Variants in NAA11 observed in about 807,000 individuals in gnomAD.
NAA11 encodes N-alpha-acetyltransferase 11, NatA catalytic subunit, also known as N-alpha-acetyltransferase 11.
NAA11 carries 15 observed loss-of-function variants against 16.1 expected under a neutral mutation model. The ratio of observed to expected loss-of-function variants is 0.93; its 90% confidence interval spans 0.62 to 1.44. NAA11 has a LOEUF of 1.44. NAA11 is among the 40% of genes most tolerant of loss of function. The probability of loss-of-function intolerance (pLI) is 0.00; values close to 1 mark genes in which losing one functional copy is unlikely to be tolerated. For synonymous variants in NAA11, 122 were observed against 112.4 expected, an observed-to-expected ratio of 1.09 and a Z score of -0.54; for missense variants, 298 against 291.3, an observed-to-expected ratio of 1.02 and a Z score of -0.17.
At chr4:79,233,854 A>G (rs1578153779) in intron 2 of NAA11, among the ~76,000 whole-genome samples, 1 of 152,170 alleles carries the variant, frequency 6.6e-6, no homozygotes, top group African/African-American at 2.4e-5. Context: ...AACTTTTGCT[A>G]TTATGGTTAA....
At chr4:79,296,453 A>G (rs995739900) in intron 1 of NAA11, among the ~76,000 whole-genome samples, 3 of 152,212 alleles carry the variant, frequency 2.0e-5, no homozygotes, top group African/African-American at 7.2e-5. Context: ...TAGAACATTT[A>G]TAAAACAGAG....
chr4:79,287,639 G>A (rs1722972169), intron 2 of NAA11, among the ~76,000 whole-genome samples: 1 of 151,772 alleles, frequency 6.6e-6, no homozygotes, highest in African/African-American at 2.4e-5. Flanking sequence ...GAATTTTTCT[G>A]TTCAGGCTGA....
Position 79,257,673 on chromosome 4 carries a change from A to C in NAA11, c.*123-31403T>G, listed in dbSNP as rs891768585. Among the ~76,000 whole-genome samples the C allele has an allele frequency of 2.0e-5, 3 of 152,124 alleles. No homozygotes were observed. In the East Asian group the frequency reaches 5.8e-4, roughly 29 times the overall value. On this transcript the variant is annotated intron_variant and NMD_transcript_variant, in intron 2 of 2. Coordinates refer to the NAA11 transcript ENST00000511542. ...GATCTTTATTTCAAAAGCTTTTTAA[A>C]ATTTCTAATTTCTTCTTGAGTTCTG...
intron 1 of NAA11, among the ~76,000 whole-genome samples, chr4:79,305,643 A>G (rs1723555843): frequency 6.6e-6 from 1 of 152,170 alleles, no homozygotes; most frequent in South Asian, 2.1e-4. Context: ...AGCTTTTCAT[A>G]TGAACATAGA....
chr4:79,204,880 A>G, the NAA11 span, among the ~76,000 whole-genome samples: 11 of 151,000 alleles, frequency 7.3e-5, no homozygotes, highest in South Asian at 2.3e-3. Flanking sequence ...GCTTGCTGCA[A>G]AAAACATTAT....
At chr4:79,299,379 G>T (rs1042009196) in intron 1 of NAA11, 4 of 152,102 alleles carry the variant, frequency 2.6e-5, no homozygotes, top group African/African-American at 9.7e-5. Context: ...ATAACAACAA[G>T]ATGAAAGACT....
chr4:79,241,415 G>T (rs902085491), intron 2 of NAA11, among the ~76,000 whole-genome samples: 2 of 152,148 alleles, frequency 1.3e-5, no homozygotes, highest in Non-Finnish European at 2.9e-5. Flanking sequence ...GGTTAGAGTC[G>T]ATTTTTGATT....
At chr4:79,285,348 C>T (rs1418641522) in intron 2 of NAA11, among the ~76,000 whole-genome samples, 1 of 151,946 alleles carries the variant, frequency 6.6e-6, no homozygotes, top group Non-Finnish European at 1.5e-5. Flanking sequence ...AATGGCTTTG[C>T]CTATTGTTTA....
chr4:79,173,133 G>A, the NAA11 span, among the ~76,000 whole-genome samples: 1 of 152,172 alleles, frequency 6.6e-6, no homozygotes, highest in Non-Finnish European at 1.5e-5. Flanking sequence ...TCTGCTAATA[G>A]AAGACAGAAT....
In NAA11 at chr4:79,268,033, G is replaced by A. The variant is rs894358126; in HGVS notation, c.*122+25972C>T. On this transcript the variant is annotated intron_variant and NMD_transcript_variant, in intron 2 of 2. Transcript: ENST00000511542. The stretch of plus-strand genomic sequence containing the variant: ...TGAAGACAAATGTGAAAGCAACTTT[G>A]TCATGTTTATTAAGAATATACTTAT... 4.2e-5 allele frequency among the ~76,000 whole-genome samples: 5 copies of A among 118,218 alleles called. No homozygotes were observed. In the South Asian group the frequency reaches 1.2e-3, roughly 27 times the overall value. The allele number at this position is 118,218 out of a possible 152,430, so 77.6% of individuals were successfully genotyped here. A position where few individuals can be genotyped will look rare whatever the true frequency, so the allele number is the denominator to read the frequency against.
chr4:79,276,365 TG>T (rs1473820753), intron 2 of NAA11, among the ~76,000 whole-genome samples: 1 of 152,048 alleles, frequency 6.6e-6, no homozygotes, highest in African/African-American at 2.4e-5. Context: ...CAGCTGAAAA[TG>T]AACACTGTCT....
chr4:79,272,239 CA>C (rs1722511163), intron 2 of NAA11, among the ~76,000 whole-genome samples: 2 of 151,874 alleles, frequency 1.3e-5, no homozygotes, highest in African/African-American at 2.4e-5. Flanking sequence ...ATACTTTTCC[CA>C]ATAGCATCTA....
chr4:79,313,308 T>C (rs1317318705), downstream of NAA11, among the ~76,000 whole-genome samples: 1 of 152,196 alleles, frequency 6.6e-6, no homozygotes, highest in Non-Finnish European at 1.5e-5. Context: ...ACAAAAGTTA[T>C]TTTTATCTCT....
the NAA11 span, among the ~76,000 whole-genome samples, chr4:79,182,767 CACGTA>C: frequency 6.6e-6 from 1 of 152,100 alleles, no homozygotes; most frequent in Admixed American, 6.6e-5. Context: ...TACGGACAGA[CACGTA>C]ATCATTTCTC....
the NAA11 span, among the ~76,000 whole-genome samples, chr4:79,176,040 A>C: frequency 2.6e-5 from 4 of 152,164 alleles, no homozygotes; most frequent in Non-Finnish European, 5.9e-5. Flanking sequence ...TACAGAGTTC[A>C]GAAATCATCT....
chr4:79,276,968 A>G (rs1447722759), intron 2 of NAA11, among the ~76,000 whole-genome samples: 3 of 152,168 alleles, frequency 2.0e-5, no homozygotes, highest in African/African-American at 7.2e-5. Flanking sequence ...GATGCCGTTA[A>G]AGGAATAGCT....
the NAA11 span, among the ~76,000 whole-genome samples, chr4:79,204,303 C>T: frequency 4.0e-5 from 6 of 151,734 alleles, no homozygotes; most frequent in African/African-American, 1.5e-4. Flanking sequence ...TATGGTACAT[C>T]GCATATTATC....
At chr4:79,194,258 C>A in the NAA11 span, among the ~76,000 whole-genome samples, 227 of 152,106 alleles carry the variant, frequency 1.5e-3, no homozygotes, top group Non-Finnish European at 2.7e-3. Flanking sequence ...TTGCTTTGGG[C>A]AGTATAGCCA....
At chr4:79,204,399 A>G in the NAA11 span, among the ~76,000 whole-genome samples, 2 of 151,916 alleles carry the variant, frequency 1.3e-5, no homozygotes, top group African/African-American at 4.8e-5. Context: ...AGGTTACTAC[A>G]CAGTATATGA....
Sources: allele counts gnomAD v4.1 joint callset (sites outside exome capture counted in the v4.1 genomes callset), GRCh38; gene constraint gnomAD v4.1.1; transcripts MANE v1.5; gene names NCBI Gene and HGNC (gene_info 2026-07-23, HGNC 2026-07-21).